ZNF236: variants seen among roughly 807,000 people sequenced by gnomAD.
ZNF236 encodes the protein zinc finger protein 236.
In ZNF236, 50 loss-of-function variants were observed where a neutral mutation model predicts 191.2. The observed-to-expected ratio is 0.26, with a 90% confidence interval of 0.21 to 0.33. The LOEUF is 0.33. Among genes scored for constraint, ZNF236 ranks in the 10% least tolerant of loss-of-function variants. ZNF236 has a pLI of 1.00. For synonymous variants in ZNF236, 907 were observed against 928.8 expected, an observed-to-expected ratio of 0.98 and a Z score of 0.43; for missense variants, 1,754 against 2,374.5, an observed-to-expected ratio of 0.74 and a Z score of 5.43.
At chr18:76,939,577 C>G (rs1308897593) in intron 26 of ZNF236, among the ~76,000 whole-genome samples, 3 of 152,190 alleles carry the variant, frequency 2.0e-5, no homozygotes, top group Non-Finnish European at 4.4e-5. Context: ...GAACACACTT[C>G]AAATCCAGGT....
Position 76,927,017 on chromosome 18 carries a change from C to CT in ZNF236, c.4028-17dup. 1 of 1,586,578 alleles carries CT rather than the reference C, an allele frequency of 6.3e-7. No homozygotes were observed. The highest frequency in any genetic ancestry group is 8.6e-7 in the Non-Finnish European group (1 of 1,163,946). ...AGCATTCATAATATTTGATCATTCT[C>CT]TTTCTCTTTCTCTGGCCAGCTGGGG... On this transcript the variant is annotated intron_variant, in intron 22 of 30. Coordinates refer to ENST00000320610, the MANE Select transcript of ZNF236 (RefSeq NM_001306089.2). The surrounding 1 kb of genome is among the most constrained non-coding windows in gnomAD (Gnocchi z 5.4).
intron 3 of ZNF236, among the ~76,000 whole-genome samples, chr18:76,865,103 G>A (rs529018936): frequency 6.6e-6 from 1 of 152,166 alleles, no homozygotes; most frequent in African/African-American, 2.4e-5. Flanking sequence ...TTGGGAGGCC[G>A]AGGCGGGCAG....
In ZNF236 at chr18:76,970,159, G is replaced by A. The variant is rs533560854; in HGVS notation, c.*1820G>A. ...TATTTTAGAAATGTTGATTAATTTTGGTGAAAAAATATCCCCAAAGTGGAA... is the reference window on the plus strand; with the variant it reads ...TATTTTAGAAATGTTGATTAATTTTAGTGAAAAAATATCCCCAAAGTGGAA... On this transcript the variant is annotated 3_prime_UTR_variant, in exon 31 of 31. Transcript: ENST00000320610. The A allele has an allele frequency of 6.6e-6, 1 of 152,584 alleles. No individual in the cohort carries two copies. Among genetic ancestry groups the A allele is most frequent in the South Asian group, 2.1e-4 (1 of 4,808 alleles). The allele number at this position is 152,584 out of a possible 1,614,324, so 9.5% of individuals were successfully genotyped here.
rs3842672 is a variant in ZNF236, at chr18:76,870,268, A to AT, written c.542+1415dup. On this transcript the variant is annotated intron_variant, in intron 4 of 30. Transcript: ENST00000320610. ...CACCTAATGCTTTATGATTTCAGTG[A>AT]TTTTTTTTTTCTTTTTTCCCCAACC... is the stretch of plus-strand genomic sequence containing the variant. 2.0e-4 allele frequency among the ~76,000 whole-genome samples: 31 copies of AT among 151,716 alleles called. No individual in the cohort carries two copies. In the East Asian group the frequency reaches 5.2e-3, roughly 26 times the overall value.
intron 28 of ZNF236, among the ~76,000 whole-genome samples, chr18:76,958,840 C>T (rs1223166287): frequency 6.6e-6 from 1 of 152,204 alleles, no homozygotes; most frequent in East Asian, 1.9e-4. Flanking sequence ...CTGTGCTGGG[C>T]CTTGAGCAGT....
rs1568207300 is a variant in ZNF236, at chr18:76,875,396, G to A, written c.668-96G>A. ...GTTCTGGGGAGACATTTTGGCTGGA[G>A]GGATAGGTTTGGGTAACTTCAGTGT... On this transcript the variant is annotated intron_variant, in intron 5 of 30. Coordinates refer to ENST00000320610, the MANE Select transcript of ZNF236 (RefSeq NM_001306089.2). This position sits in a 1 kb window ranked among gnomAD's most constrained non-coding sequence, Gnocchi z 4.3. 6 of 1,219,200 alleles carry A rather than the reference G, an allele frequency of 4.9e-6. No individual in the cohort carries two copies. Among genetic ancestry groups the A allele is most frequent in the Non-Finnish European group, 6.5e-6 (6 of 920,762 alleles). The allele number at this position is 1,219,200 out of a possible 1,614,324, so 75.5% of individuals were successfully genotyped here.
chr18:76,897,967 A>G (rs979706041), intron 10 of ZNF236: 1 of 152,236 alleles, frequency 6.6e-6, no homozygotes, highest in Non-Finnish European at 1.5e-5. Flanking sequence ...AGCTAAGGAT[A>G]TGCTGGGGGA....
rs1484581117 is a variant in ZNF236, at chr18:76,915,663, C to G, written c.3078C>G (p.Ser1026Arg). The G allele has an allele frequency of 1.9e-6, 3 of 1,613,868 alleles. No individual in the cohort carries two copies. The East Asian group carries it at 6.7e-5, about 36-fold the overall frequency. The change falls in exon 19 of 31, where the codon AGC (serine) becomes AGG (arginine). Residue 1026 changes from serine to arginine, a missense_variant. Ser to Arg is a moderately radical substitution (Grantham distance 110). Transcript: ENST00000320610. The stretch of plus-strand genomic sequence containing the variant: ...TGCTTGCAGGAGTGAAGGCGTTCAG[C>G]TGCAGTGTGTGCAATGCTTCCTTCA... ...EKTHTGVKAF[S>R]CSVCNASFTT...
At chr18:76,954,016 C>G (rs752193536) in intron 27 of ZNF236, among the ~76,000 whole-genome samples, 4 of 152,178 alleles carry the variant, frequency 2.6e-5, no homozygotes, top group African/African-American at 4.8e-5. Flanking sequence ...GTTTATGCCT[C>G]AGGCTTAAAA....
In ZNF236 at chr18:76,912,307, T is replaced by G. The variant is rs1173071491; in HGVS notation, c.2869T>G (p.Phe957Val). Residue 957 changes from phenylalanine (F) to valine (V), a missense_variant, in exon 17 of 31, where the codon TTT (phenylalanine) becomes GTT (valine). By Grantham distance (50) the Phe-to-Val change is conservative (BLOSUM62 -1). This residue lies in a region of ZNF236 where 641 missense variants were observed against 869.6 expected (regional missense o/e 0.74). Coordinates refer to ENST00000320610, the MANE Select transcript of ZNF236 (RefSeq NM_001306089.2). ...GGACCTGCAGGCACAAGGTTCCCAG[T>G]TTCTGGAGGACAACGAGGACCAGAG... is the stretch of plus-strand genomic sequence containing the variant. ...ELDLQAQGSQ[F>V]LEDNEDQSRR... 6.2e-7 allele frequency: 1 copy of G among 1,614,228 alleles called. No homozygotes were observed. Among genetic ancestry groups the G allele is most frequent in the African/African-American group, 1.3e-5 (1 of 75,066 alleles).
intron 9 of ZNF236, among the ~76,000 whole-genome samples, chr18:76,890,020 A>G (rs1317891032): frequency 6.6e-6 from 1 of 152,202 alleles, no homozygotes; most frequent in East Asian, 1.9e-4. Context: ...ATCTGCAGCC[A>G]TTTGCTAACA....
chr18:76,923,749 G>T (rs960992529), intron 21 of ZNF236, among the ~76,000 whole-genome samples: 1 of 152,074 alleles, frequency 6.6e-6, no homozygotes, highest in African/African-American at 2.4e-5. Context: ...CCTAGACAAG[G>T]TTCTCCTCTC....
intron 25 of ZNF236, among the ~76,000 whole-genome samples, chr18:76,929,643 G>C (rs113115699): frequency 2.4e-4 from 36 of 152,308 alleles, no homozygotes; most frequent in African/African-American, 7.5e-4. Flanking sequence ...GGCTTCAGCT[G>C]TTCTAGGAGA....
intron 27 of ZNF236, 120 bp downstream of exon 27, chr18:76,947,772 C>T (rs1968300632): frequency 8.0e-7 from 1 of 1,244,048 alleles, no homozygotes; most frequent in African/African-American, 1.5e-5. Flanking sequence ...GGGCTGACTT[C>T]TGAGGTGTCC....
chr18:76,881,160 G>T, intron 8 of ZNF236, 124 bp from the exon 9 acceptor site: 1 of 852,978 alleles, frequency 1.2e-6, no homozygotes, highest in Non-Finnish European at 1.8e-6. Flanking sequence ...GTGATGACTT[G>T]GAATTGTAGA....
chr18:76,842,754 A>G (rs1045812762), intron 1 of ZNF236, among the ~76,000 whole-genome samples: 14 of 151,456 alleles, frequency 9.2e-5, no homozygotes, highest in Non-Finnish European at 1.2e-4. Flanking sequence ...TCTGTCTCAA[A>G]AAAAAAAAAA....
intron 26 of ZNF236, among the ~76,000 whole-genome samples, chr18:76,937,587 A>G (rs1968036110): frequency 6.6e-6 from 1 of 152,222 alleles, no homozygotes; most frequent in African/African-American, 2.4e-5. Context: ...CCCAAATGGA[A>G]CCACAGTTAA....
At chr18:76,904,317 T>G in intron 11 of ZNF236, 63 bp from the exon 12 acceptor site, 3 of 1,472,350 alleles carry the variant, frequency 2.0e-6, no homozygotes, top group Non-Finnish European at 2.7e-6. Context: ...ATGTGCCTTG[T>G]GACATTTAAT....
intron 7 of ZNF236, among the ~76,000 whole-genome samples, chr18:76,879,805 CCTTCA>C (rs762708733): frequency 2.0e-4 from 30 of 152,160 alleles, no homozygotes; most frequent in Non-Finnish European, 1.9e-4. Flanking sequence ...TTTAAAAATT[CCTTCA>C]CTTCAATTTT....
Sources: gnomAD v4.1 joint callset for allele counts (sites outside exome capture counted in the v4.1 genomes callset) on GRCh38, gnomAD v4.1.1 for gene constraint, gnomAD v4.1.1 regional missense constraint, Gnocchi (gnomAD v3.1) non-coding constraint, MANE v1.5 for transcripts, NCBI Gene and HGNC (gene_info 2026-07-23, HGNC 2026-07-21) for gene names.